Variants in VAT1L observed in about 807,000 individuals in gnomAD.
The protein encoded by VAT1L is vesicle amine transport 1 like.
In VAT1L, 34 loss-of-function variants were observed where a neutral mutation model predicts 44.1. That is an observed-to-expected ratio of 0.77 (90% CI 0.59 to 1.03). The LOEUF (loss-of-function observed/expected upper bound fraction) is 1.03. Ranked by LOEUF, VAT1L falls within the 50% of genes least tolerant of loss-of-function variation. The probability of loss-of-function intolerance (pLI) is 0.00; values close to 1 mark genes in which losing one functional copy is unlikely to be tolerated. For missense variants in VAT1L, 615 were observed against 538.8 expected, an observed-to-expected ratio of 1.14 and a Z score of -1.40; for synonymous variants, 253 against 202.2, an observed-to-expected ratio of 1.25 and a Z score of -2.13.
chr16:77,918,232 G>A (rs981812641), intron 7 of VAT1L, among the ~76,000 whole-genome samples: 5 of 152,144 alleles, frequency 3.3e-5, no homozygotes, highest in African/African-American at 9.7e-5. Flanking sequence ...CAGAGGCCAG[G>A]AAAAGGTGAT....
chr16:77,824,376 T>G (rs1049359901), intron 2 of VAT1L, among the ~76,000 whole-genome samples: 3 of 152,196 alleles, frequency 2.0e-5, no homozygotes, highest in African/African-American at 4.8e-5. Flanking sequence ...AATGGTTCAT[T>G]AAATCAGTTG....
chr16:77,873,181 A>T (rs992960764), intron 4 of VAT1L, among the ~76,000 whole-genome samples: 13 of 152,186 alleles, frequency 8.5e-5, no homozygotes, highest in Non-Finnish European at 8.8e-5. Context: ...TCTTAAACTC[A>T]GACTGGTGAA....
At chr16:77,790,609 G>A (rs929687842) in intron 1 of VAT1L, among the ~76,000 whole-genome samples, 2 of 151,990 alleles carry the variant, frequency 1.3e-5, no homozygotes, top group Non-Finnish European at 1.5e-5. Context: ...AAAATTACCT[G>A]TATACACACA....
At chr16:77,910,097 A>T (rs2017482571) in intron 7 of VAT1L, among the ~76,000 whole-genome samples, 1 of 152,262 alleles carries the variant, frequency 6.6e-6, no homozygotes, top group African/African-American at 2.4e-5. Flanking sequence ...TTATTTGCAA[A>T]CATATGAATT....
intron 1 of VAT1L, among the ~76,000 whole-genome samples, chr16:77,791,446 T>A (rs1045020114): frequency 2.6e-5 from 4 of 152,202 alleles, no homozygotes. Context: ...TTTTATATCA[T>A]GGACCCTTTT....
At chr16:77,822,003 A>G (rs2016460608) in intron 2 of VAT1L, among the ~76,000 whole-genome samples, 1 of 152,242 alleles carries the variant, frequency 6.6e-6, no homozygotes, top group Non-Finnish European at 1.5e-5. Flanking sequence ...CTTTTCCAGC[A>G]TGCCCATAAG....
intron 7 of VAT1L, among the ~76,000 whole-genome samples, chr16:77,949,383 C>T (rs1229267840): frequency 6.6e-6 from 1 of 152,102 alleles, no homozygotes; most frequent in African/African-American, 2.4e-5. Context: ...ACTGACAGGG[C>T]ATCCTATGCT....
Position 77,879,332 on chromosome 16 carries a change from C to T in VAT1L, c.882+108C>T, listed in dbSNP as rs1435560465. ...TTTGAGACAGCGTCTCGTTCTGTCA[C>T]CAGGCTGGAGTGCAATGGCACGATC... On this transcript the variant is annotated intron_variant, in intron 6 of 8. Transcript: ENST00000302536. The surrounding 1 kb of genome is among the most constrained non-coding windows in gnomAD (Gnocchi z 4.1). 8.0e-7 allele frequency: 1 copy of T among 1,253,284 alleles called. No homozygotes were observed. The highest frequency in any genetic ancestry group is 1.5e-5 in the African/African-American group (1 of 67,636). The allele number at this position is 1,253,284 out of a possible 1,614,324, so 77.6% of individuals were successfully genotyped here.
At chr16:77,898,953 C>T (rs1200260380) in intron 7 of VAT1L, among the ~76,000 whole-genome samples, 1 of 152,154 alleles carries the variant, frequency 6.6e-6, no homozygotes, top group East Asian at 1.9e-4. Flanking sequence ...GAGGTTCTGC[C>T]AGGAAAGTGC....
intron 7 of VAT1L, among the ~76,000 whole-genome samples, chr16:77,938,673 G>A (rs922058903): frequency 7.2e-5 from 11 of 152,034 alleles, no homozygotes; most frequent in Admixed American, 2.0e-4. Flanking sequence ...AGGCCTCCCC[G>A]GAAGCCAAGC....
intron 7 of VAT1L, among the ~76,000 whole-genome samples, chr16:77,967,245 C>G (rs1014275807): frequency 6.6e-6 from 1 of 152,136 alleles, no homozygotes; most frequent in Admixed American, 6.6e-5. Context: ...GAGGCAAGAA[C>G]CTTGGATGTT....
At chr16:77,908,350 TA>T (rs2017461137) in intron 7 of VAT1L, among the ~76,000 whole-genome samples, 1 of 149,778 alleles carries the variant, frequency 6.7e-6, no homozygotes, top group Non-Finnish European at 1.5e-5. Flanking sequence ...TAATCCCTGC[TA>T]CTTGGGAGGC....
chr16:77,903,578 T>G (rs984249536), intron 7 of VAT1L, among the ~76,000 whole-genome samples: 7 of 152,108 alleles, frequency 4.6e-5, no homozygotes, highest in Non-Finnish European at 7.3e-5. Context: ...CCCAAATATC[T>G]TACAGAGAAA....
chr16:77,789,591 A>G (rs1179923891), intron 1 of VAT1L, among the ~76,000 whole-genome samples: 1 of 152,134 alleles, frequency 6.6e-6, no homozygotes. Context: ...GGAACTAGGA[A>G]GGAAGAGGGT....
intron 7 of VAT1L, among the ~76,000 whole-genome samples, chr16:77,902,786 T>TG (rs1194636654): frequency 1.3e-5 from 2 of 149,072 alleles, no homozygotes; most frequent in African/African-American, 5.0e-5. Context: ...CTGGCCAACA[T>TG]GGTGAAACCC....
chr16:77,835,798 C>T (rs555771956), intron 3 of VAT1L, among the ~76,000 whole-genome samples: 1 of 151,920 alleles, frequency 6.6e-6, no homozygotes, highest in Admixed American at 6.6e-5. Context: ...ACTTGAACCC[C>T]GGAGGCGGAG....
chr16:77,793,088 T>TA (rs1454115582), intron 1 of VAT1L, among the ~76,000 whole-genome samples: 1 of 152,216 alleles, frequency 6.6e-6, no homozygotes, highest in Non-Finnish European at 1.5e-5. Context: ...TTGCCATAGA[T>TA]ACTTATATAG....
chr16:77,971,532 C>T (rs1412719808), intron 7 of VAT1L, among the ~76,000 whole-genome samples: 3 of 152,084 alleles, frequency 2.0e-5, no homozygotes, highest in Non-Finnish European at 4.4e-5. Context: ...ACTAATGCAC[C>T]CTGCCACCCT....
chr16:77,964,347 G>C (rs896733319), intron 7 of VAT1L, among the ~76,000 whole-genome samples: 6 of 152,140 alleles, frequency 3.9e-5, no homozygotes. Context: ...TGCGTTCCTC[G>C]TGGAAGCCCT....
Sources: gnomAD v4.1 joint callset for allele counts (sites outside exome capture counted in the v4.1 genomes callset) on GRCh38, gnomAD v4.1.1 for gene constraint, Gnocchi (gnomAD v3.1) non-coding constraint, MANE v1.5 for transcripts, NCBI Gene and HGNC (gene_info 2026-07-23, HGNC 2026-07-21) for gene names.